Variants in GSDME observed in about 807,000 individuals in gnomAD.
The protein encoded by GSDME is gasdermin-E.
Under a neutral mutation model 47.5 loss-of-function variants are expected in GSDME, and 44 were observed. That is an observed-to-expected ratio of 0.93 (90% CI 0.73 to 1.19). The LOEUF (loss-of-function observed/expected upper bound fraction) is 1.19, where lower values mean the gene tolerates loss of function less well. GSDME is among the 50% of genes most tolerant of loss of function. The pLI is 0.00. For synonymous variants in GSDME, 258 were observed against 252.8 expected, an observed-to-expected ratio of 1.02 and a Z score of -0.20; for missense variants, 663 against 604.2, an observed-to-expected ratio of 1.10 and a Z score of -1.02.
chr7:24,718,702 C>A (rs535906163), intron 4 of GSDME, among the ~76,000 whole-genome samples: 11 of 152,194 alleles, frequency 7.2e-5, no homozygotes, highest in Admixed American at 5.9e-4. Context: ...TCTGGTGAGA[C>A]CCAGTCCTAG....
intron 6 of GSDME, 120 bp downstream of exon 6, chr7:24,710,099 CTCTCT>C (rs1053268886): frequency 8.1e-6 from 9 of 1,112,016 alleles, no homozygotes; most frequent in African/African-American, 7.7e-5. Context: ...GCGGCATCAC[CTCTCT>C]TCTCATATGT....
At chr7:24,766,274 C>G in the GSDME span, among the ~76,000 whole-genome samples, 2 of 150,584 alleles carry the variant, frequency 1.3e-5, no homozygotes, top group Non-Finnish European at 1.5e-5. The surrounding 1 kb of genome is among the most constrained non-coding windows in gnomAD (Gnocchi z 4.2). Flanking sequence ...TAATAAAATC[C>G]AGACCCTGCA....
chr7:24,718,685 G>A (rs1270534104), intron 4 of GSDME, among the ~76,000 whole-genome samples: 2 of 152,158 alleles, frequency 1.3e-5, no homozygotes, highest in Non-Finnish European at 2.9e-5. Flanking sequence ...AACATATCCC[G>A]GGACGGTCTG....
At chr7:24,763,393 T>G in the GSDME span, among the ~76,000 whole-genome samples, 1 of 151,474 alleles carries the variant, frequency 6.6e-6, no homozygotes, top group Non-Finnish European at 1.5e-5. This position sits in a 1 kb window ranked among gnomAD's most constrained non-coding sequence, Gnocchi z 4.3. Flanking sequence ...GGGCCATTAC[T>G]AGATAAAATA....
the GSDME span, among the ~76,000 whole-genome samples, chr7:24,771,558 T>C: frequency 2.6e-5 from 4 of 152,214 alleles, no homozygotes; most frequent in African/African-American, 9.7e-5. The surrounding 1 kb of genome is among the most constrained non-coding windows in gnomAD (Gnocchi z 4.1). Context: ...TTCTGCCACT[T>C]ACTGGCTGTG....
At position 24,706,009 on chromosome 7, in the gene GSDME, C is replaced by G. The variant is rs1261493314; in HGVS notation, c.1183+175G>C. 9 of 695,724 alleles carry G rather than the reference C, an allele frequency of 1.3e-5. No homozygotes were observed. The South Asian group carries it at 1.4e-4, about 11-fold the overall frequency. The allele number at this position is 695,724 out of a possible 1,614,324, so 43.1% of individuals were successfully genotyped here. A position where few individuals can be genotyped will look rare whatever the true frequency, so the allele number is the denominator to read the frequency against. ...GGATGGAAAGGCACAGACTCGAGAC[C>G]GAAGGGGGGTTTCCCATCAGCCTCC... On this transcript the variant is annotated intron_variant, in intron 8 of 9. Transcript: ENST00000645220.
At chr7:24,794,372 G>C in the GSDME span, among the ~76,000 whole-genome samples, 4 of 150,906 alleles carry the variant, frequency 2.7e-5, no homozygotes, top group African/African-American at 9.8e-5. Flanking sequence ...CTGTTCTCCT[G>C]TCTCCTTCCT....
In GSDME at chr7:24,726,888, C is replaced by G. The variant is rs2721794; in HGVS notation, c.405-7670G>C. On this transcript the variant is annotated intron_variant, in intron 3 of 9. Coordinates refer to ENST00000645220, the MANE Select transcript of GSDME (RefSeq NM_001127453.2). This position sits in a 1 kb window ranked among gnomAD's most constrained non-coding sequence, Gnocchi z 5.6. Reference sequence around the variant, plus strand: ...GGAGCCTGGTAAGGCTCTCCAAACCCCAGGGGACATCATGACAGAGCAGGA... The same window carrying G: ...GGAGCCTGGTAAGGCTCTCCAAACCGCAGGGGACATCATGACAGAGCAGGA... 0.13 allele frequency among the ~76,000 whole-genome samples: 20,429 copies of G among 151,662 alleles called. 1,421 individuals are homozygous for G. Among genetic ancestry groups the G allele is most frequent in the South Asian group, 0.15 (730 of 4,782 alleles).
chr7:24,784,484 T>G, the GSDME span, among the ~76,000 whole-genome samples: 1 of 152,088 alleles, frequency 6.6e-6, no homozygotes, highest in South Asian at 2.1e-4. Flanking sequence ...ACCACTGGTC[T>G]AAGTCCAAGA....
rs145188765 is a variant in GSDME at position 24,721,240 on chromosome 7, G to A, written c.405-2022C>T. On this transcript the variant is annotated intron_variant, in intron 3 of 9. Transcript: ENST00000645220. The surrounding 1 kb of genome is among the most constrained non-coding windows in gnomAD (Gnocchi z 4.1). ...AAATGGTTACAACAGTAAATGTTGT[G>A]TCTCATCTATTTTACCACAATAACA... Among the ~76,000 whole-genome samples, 2 of 152,294 alleles carry A rather than the reference G, an allele frequency of 1.3e-5. No homozygotes were observed. The highest frequency in any genetic ancestry group is 4.8e-5 in the African/African-American group (2 of 41,572).
chr7:24,719,881 T>A (rs969515685), intron 3 of GSDME, among the ~76,000 whole-genome samples: 1 of 152,148 alleles, frequency 6.6e-6, no homozygotes, highest in Non-Finnish European at 1.5e-5. Flanking sequence ...CTTTTTTATT[T>A]AATCAGAGCT....
chr7:24,758,573 T>C (rs1341718951), upstream of GSDME, among the ~76,000 whole-genome samples: 2 of 152,162 alleles, frequency 1.3e-5, no homozygotes, highest in Non-Finnish European at 2.9e-5. The surrounding 1 kb of genome is among the most constrained non-coding windows in gnomAD (Gnocchi z 4.6). Flanking sequence ...TCACACAGTA[T>C]GGAGTTGTGT....
rs1430936085 is a variant in GSDME at position 24,714,186 on chromosome 7, T to C, written c.697+3068A>G. ...TAAGTGTCTCCTGAGAGGGGAGCTG[T>C]GGGTGAAGGAAAGGGTCTCATTGCA... On this transcript the variant is annotated intron_variant, in intron 5 of 9. Coordinates refer to ENST00000645220, the MANE Select transcript of GSDME (RefSeq NM_001127453.2). The surrounding 1 kb of genome is among the most constrained non-coding windows in gnomAD (Gnocchi z 5.0). Among the ~76,000 whole-genome samples, 1 of 152,122 alleles carries C rather than the reference T, an allele frequency of 6.6e-6. No homozygotes were observed. Among genetic ancestry groups the C allele is most frequent in the African/African-American group, 2.4e-5 (1 of 41,412 alleles).
chr7:24,786,156 G>A, the GSDME span, among the ~76,000 whole-genome samples: 6 of 152,146 alleles, frequency 3.9e-5, no homozygotes, highest in South Asian at 2.1e-4. The surrounding 1 kb of genome is among the most constrained non-coding windows in gnomAD (Gnocchi z 5.5). Flanking sequence ...GTTGGGGCAC[G>A]TGAGATTTGC....
At chr7:24,774,827 G>A in the GSDME span, among the ~76,000 whole-genome samples, 9 of 152,114 alleles carry the variant, frequency 5.9e-5, no homozygotes, top group East Asian at 1.9e-4. Context: ...CACTGCACCC[G>A]GCCATAACAC....
intron 1 of GSDME, among the ~76,000 whole-genome samples, chr7:24,751,409 C>T (rs568796699): frequency 1.3e-5 from 2 of 152,330 alleles, no homozygotes; most frequent in South Asian, 4.1e-4. Context: ...TCACACAGCT[C>T]TTAGGATTTA....
intron 3 of GSDME, among the ~76,000 whole-genome samples, chr7:24,729,729 G>T (rs1456787279): frequency 6.6e-6 from 1 of 152,234 alleles, no homozygotes; most frequent in Non-Finnish European, 1.5e-5. Context: ...CCTGGAGGAT[G>T]TGAGGGCAAC....
upstream of GSDME, among the ~76,000 whole-genome samples, chr7:24,761,082 C>T (rs1416952724): frequency 6.6e-6 from 1 of 152,224 alleles, no homozygotes. This position sits in a 1 kb window ranked among gnomAD's most constrained non-coding sequence, Gnocchi z 4.4. Flanking sequence ...AACTTAGTGG[C>T]TTGAAACAAC....
chr7:24,702,357 C>T (rs1035977960), intron 9 of GSDME: 2 of 349,450 alleles, frequency 5.7e-6, no homozygotes, highest in Admixed American at 3.9e-5. Flanking sequence ...GTCCTGGATA[C>T]CTCCCTGGCA....
Sources: gnomAD v4.1 joint callset for allele counts (sites outside exome capture counted in the v4.1 genomes callset) on GRCh38, gnomAD v4.1.1 for gene constraint, Gnocchi (gnomAD v3.1) non-coding constraint, MANE v1.5 for transcripts, NCBI Gene and HGNC (gene_info 2026-07-23, HGNC 2026-07-21) for gene names.